Variants in CRACDL observed in about 807,000 individuals in gnomAD.
CRACDL encodes CRACD-like protein.
Under a neutral mutation model 70.6 loss-of-function variants are expected in CRACDL, and 26 were observed. That is an observed-to-expected ratio of 0.37 (90% CI 0.27 to 0.51). CRACDL has a LOEUF of 0.51. Ranked by LOEUF, CRACDL falls within the 20% of genes least tolerant of loss-of-function variation. The pLI is 0.94. For missense variants in CRACDL, 1,283 were observed against 1,376.9 expected (o/e 0.93, Z 1.08); for synonymous variants, 618 against 615.2 (o/e 1.00, Z -0.07).
intron 1 of CRACDL, among the ~76,000 whole-genome samples, chr2:98,889,136 G>T (rs1179266875): frequency 2.0e-5 from 3 of 147,924 alleles, no homozygotes; most frequent in Admixed American, 6.8e-5. Context: ...AAAAAAAAAG[G>T]GGGGGGAAGA....
chr2:98,916,850 C>T (rs1406280094), intron 1 of CRACDL, among the ~76,000 whole-genome samples: 1 of 152,204 alleles, frequency 6.6e-6, no homozygotes, highest in African/African-American at 2.4e-5. Context: ...TTGCCCTGAG[C>T]AAGAGCCTAC....
At chr2:98,915,427 A>AT (rs1468598277) in intron 1 of CRACDL, among the ~76,000 whole-genome samples, 4 of 152,174 alleles carry the variant, frequency 2.6e-5, no homozygotes, top group Non-Finnish European at 4.4e-5. Flanking sequence ...GGAGCAGGCC[A>AT]TGGGACCATA....
intron 1 of CRACDL, among the ~76,000 whole-genome samples, chr2:98,889,344 G>GA (rs1558624695): frequency 2.1e-4 from 27 of 129,036 alleles, no homozygotes; most frequent in African/African-American, 6.7e-4. Flanking sequence ...AGAAAGAAAG[G>GA]AAACAGTAAC....
chr2:98,925,550 A>G (rs189617046), intron 1 of CRACDL, among the ~76,000 whole-genome samples: 1 of 152,310 alleles, frequency 6.6e-6, no homozygotes, highest in African/African-American at 2.4e-5. Flanking sequence ...ACAACCACAC[A>G]GCACGCACAG....
intron 1 of CRACDL, among the ~76,000 whole-genome samples, chr2:98,923,724 T>G (rs960758304): frequency 1.3e-5 from 2 of 152,218 alleles, no homozygotes; most frequent in East Asian, 3.8e-4. Flanking sequence ...AAATTCACAG[T>G]GTCTGTCTTT....
At chr2:98,894,628 GCT>G (rs1708070755) in intron 1 of CRACDL, among the ~76,000 whole-genome samples, 1 of 152,106 alleles carries the variant, frequency 6.6e-6, no homozygotes, top group African/African-American at 2.4e-5. Context: ...GGGGAAAGAA[GCT>G]CTGAGAACCT....
intron 1 of CRACDL, among the ~76,000 whole-genome samples, chr2:98,871,567 G>A (rs1333237520): frequency 6.6e-6 from 1 of 152,180 alleles, no homozygotes; most frequent in East Asian, 1.9e-4. Context: ...CCCTGGCAAG[G>A]GTCTGAGTGA....
At chr2:98,906,067 C>G (rs80190873) in intron 1 of CRACDL, among the ~76,000 whole-genome samples, 1,826 of 152,228 alleles carry the variant, frequency 0.012, 25 homozygotes, top group Non-Finnish European at 0.018. Context: ...TCCAATTGCA[C>G]GTGTTGGGCT....
chr2:98,843,632 C>G (rs1003402792), intron 2 of CRACDL, among the ~76,000 whole-genome samples: 5 of 152,060 alleles, frequency 3.3e-5, no homozygotes, highest in African/African-American at 1.2e-4. Flanking sequence ...TATCTTTTAT[C>G]CAATGAATTG....
chr2:98,908,132 T>C (rs949735349), intron 1 of CRACDL, among the ~76,000 whole-genome samples: 5 of 152,194 alleles, frequency 3.3e-5, no homozygotes, highest in Admixed American at 6.5e-5. Context: ...AGCCACTCCG[T>C]AGCAGGAGCT....
intron 1 of CRACDL, among the ~76,000 whole-genome samples, chr2:98,907,413 T>C (rs140605120): frequency 1.1e-3 from 170 of 152,336 alleles, no homozygotes; most frequent in Non-Finnish European, 2.3e-3. Flanking sequence ...CCAGTAGTTG[T>C]TCTCTGCCGA....
rs550571792 is a variant in CRACDL at position 98,925,538 on chromosome 2, C to T, written c.-11+10400G>A. Among the ~76,000 whole-genome samples, 8 of 152,232 alleles carry T rather than the reference C, an allele frequency of 5.3e-5. No individual in the cohort carries two copies. The South Asian group carries it at 6.2e-4, about 12-fold the overall frequency. On this transcript the variant is annotated intron_variant, in intron 1 of 9. Coordinates refer to ENST00000397899, the MANE Select transcript of CRACDL (RefSeq NM_207362.3). ...TGAATAGCCACAACAGTACTGAAAC[C>T]GACAACCACACAGCACGCACAGGCA...
intron 1 of CRACDL, among the ~76,000 whole-genome samples, chr2:98,848,031 C>T: frequency 6.6e-6 from 1 of 152,162 alleles, no homozygotes; most frequent in Admixed American, 6.5e-5. Context: ...AAAAAATGTC[C>T]GGTCTTGTGT....
chr2:98,923,388 G>A (rs1015460457), intron 1 of CRACDL, among the ~76,000 whole-genome samples: 1 of 151,886 alleles, frequency 6.6e-6, no homozygotes, highest in Non-Finnish European at 1.5e-5. Context: ...ACTTTGTCTT[G>A]TAGCTGGAGT....
At chr2:98,867,624 T>C (rs1707197609) in intron 1 of CRACDL, among the ~76,000 whole-genome samples, 1 of 152,242 alleles carries the variant, frequency 6.6e-6, no homozygotes, top group Non-Finnish European at 1.5e-5. Context: ...TTTTAGAAAT[T>C]CTATTTGCAT....
chr2:98,870,394 G>A (rs572862737), intron 1 of CRACDL, among the ~76,000 whole-genome samples: 2 of 152,348 alleles, frequency 1.3e-5, no homozygotes, highest in South Asian at 2.1e-4. Flanking sequence ...TACATTTGAT[G>A]ATGACAGAAG....
chr2:98,874,452 G>C (rs963660413), intron 1 of CRACDL, among the ~76,000 whole-genome samples: 1 of 152,220 alleles, frequency 6.6e-6, no homozygotes, highest in African/African-American at 2.4e-5. Context: ...AGGAGGCTCC[G>C]CACGGGCTGC....
Position 98,823,121 on chromosome 2 carries a change from G to T in CRACDL, c.1152C>A (p.Ala384=), listed in dbSNP as rs1350825944. The T allele has an allele frequency of 3.2e-6, 5 of 1,573,860 alleles. No individual in the cohort carries two copies. Residue 384 remains alanine (A), a synonymous_variant, in exon 7 of 10, where the codon GCC becomes GCA. Transcript: ENST00000397899. This position sits in a 1 kb window ranked among gnomAD's most constrained non-coding sequence, Gnocchi z 4.0. ...AGACCACCTCCTCCGCCTTGTCCGT[G>T]GCCGGGGCACACGGGCCTGCGGGGG... ...EAPPAGPCAP[A]TDKAEEVVCA...
At chr2:98,909,338 T>G (rs866337944) in intron 1 of CRACDL, among the ~76,000 whole-genome samples, 10 of 152,374 alleles carry the variant, frequency 6.6e-5, no homozygotes, top group Non-Finnish European at 1.2e-4. Context: ...AACTTGCTTC[T>G]GGTTTACACA....
Sources: gnomAD v4.1 joint callset for allele counts (sites outside exome capture counted in the v4.1 genomes callset) on GRCh38, gnomAD v4.1.1 for gene constraint, Gnocchi (gnomAD v3.1) non-coding constraint, MANE v1.5 for transcripts, NCBI Gene and HGNC (gene_info 2026-07-23, HGNC 2026-07-21) for gene names.